The following CORO7 variants were observed in gnomAD, a reference collection of about 807,000 sequenced individuals.
CORO7 encodes the protein coronin 7.
A neutral mutation model predicts 126.6 loss-of-function variants in CORO7; 107 were observed. The ratio of observed to expected loss-of-function variants is 0.85; its 90% confidence interval spans 0.72 to 0.99. The LOEUF (loss-of-function observed/expected upper bound fraction) is 0.99, where lower values mean the gene tolerates loss of function less well. Ranked by LOEUF, CORO7 falls within the 50% of genes least tolerant of loss-of-function variation. CORO7 has a pLI of 0.00. For synonymous variants in CORO7, 603 were observed against 536.8 expected, an observed-to-expected ratio of 1.12 and a Z score of -1.70; for missense variants, 1,314 against 1,255.8, an observed-to-expected ratio of 1.05 and a Z score of -0.70.
intron 19 of CORO7, 23 bp downstream of exon 19, chr16:4,360,920 C>T: frequency 1.2e-6 from 2 of 1,606,526 alleles, no homozygotes; most frequent in South Asian, 2.2e-5. Flanking sequence ...ACACTGCTGG[C>T]CCCACCTCTG....
chr16:4,365,077 C>A lies in CORO7; in HGVS notation c.841-17G>T. ...CCTCTCGCCCTGAAATGAGTCTGAA[C>A]TGAGCCCCGTTTGCTGACTGAACCC... On this transcript the variant is annotated splice_polypyrimidine_tract_variant and intron_variant, in intron 10 of 27. Coordinates refer to ENST00000251166, the MANE Select transcript of CORO7 (RefSeq NM_024535.5). The A allele has an allele frequency of 6.3e-7, 1 of 1,588,286 alleles. No homozygotes were observed.
At chr16:4,358,626 G>C in intron 23 of CORO7, 143 bp from the exon 24 acceptor site, 1 of 657,056 alleles carries the variant, frequency 1.5e-6, no homozygotes, top group Non-Finnish European at 2.4e-6. Flanking sequence ...TGATCATGTT[G>C]AACAACCTGC....
At chr16:4,401,178 C>CTGGGA (rs1235468575) in intron 6 of CORO7, among the ~76,000 whole-genome samples, 4 of 152,170 alleles carry the variant, frequency 2.6e-5, no homozygotes, top group African/African-American at 9.7e-5. Context: ...GAAGGACAAA[C>CTGGGA]AGAGCTTGTG....
At chr16:4,407,248 A>G (rs1018866852) in intron 5 of CORO7, among the ~76,000 whole-genome samples, 4 of 151,614 alleles carry the variant, frequency 2.6e-5, no homozygotes, top group Admixed American at 1.3e-4. Context: ...GCGCCCGGCC[A>G]TTATTTTTTT....
chr16:4,393,521 G>A (rs986448654), intron 7 of CORO7, among the ~76,000 whole-genome samples: 1 of 152,206 alleles, frequency 6.6e-6, no homozygotes, highest in South Asian at 2.1e-4. Context: ...GGAACTGACT[G>A]TACCGTTTGG....
chr16:4,408,835 C>A (rs1443603249), intron 3 of CORO7, among the ~76,000 whole-genome samples: 1 of 152,000 alleles, frequency 6.6e-6, no homozygotes, highest in Non-Finnish European at 1.5e-5. Flanking sequence ...TGGTGGCGGG[C>A]GCCTATAGTC....
At chr16:4,355,489 G>C in intron 26 of CORO7, 117 bp from the exon 27 acceptor site, 7 of 1,123,448 alleles carry the variant, frequency 6.2e-6, no homozygotes, top group Non-Finnish European at 8.8e-6. Flanking sequence ...TTTTTAGACG[G>C]AGTCTTGCTC....
intron 9 of CORO7, among the ~76,000 whole-genome samples, chr16:4,368,168 G>A (rs1243493405): frequency 6.6e-6 from 1 of 152,000 alleles, no homozygotes; most frequent in South Asian, 2.1e-4. Flanking sequence ...CCAACATGAT[G>A]AAACCCTGTC....
chr16:4,354,899 A>ACC lies in CORO7; in HGVS notation c.*257_*258dup, dbSNP rs2053923379. Reference sequence around the variant, plus strand: ...GGGCCTGCCCAGGGACATGCTGCTGACCCCCCGCCACCCTGCACCCCTGGC... The same window carrying ACC: ...GGGCCTGCCCAGGGACATGCTGCTGACCCCCCCCGCCACCCTGCACCCCTGGC... On this transcript the variant is annotated 3_prime_UTR_variant, in exon 28 of 28. Coordinates refer to ENST00000251166, the MANE Select transcript of CORO7 (RefSeq NM_024535.5). 1 of 432,900 alleles carries ACC rather than the reference A, an allele frequency of 2.3e-6. No individual in the cohort carries two copies. Among genetic ancestry groups the ACC allele is most frequent in the Non-Finnish European group, 4.1e-6 (1 of 246,186 alleles). 26.8% of individuals were successfully genotyped at this position (432,900 alleles called of 1,614,324 possible). A position where few individuals can be genotyped will look rare whatever the true frequency, so the allele number is the denominator to read the frequency against.
chr16:4,375,434 G>A (rs2054683697), intron 9 of CORO7, among the ~76,000 whole-genome samples: 1 of 152,216 alleles, frequency 6.6e-6, no homozygotes, highest in Non-Finnish European at 1.5e-5. Flanking sequence ...GCTGTGCGGA[G>A]GACTCGCTCA....
At chr16:4,361,500 TCAGTAC>T (rs1455679915) in intron 16 of CORO7, 31 bp from the exon 17 acceptor site, 7 of 1,607,594 alleles carry the variant, frequency 4.4e-6, no homozygotes, top group Non-Finnish European at 8.5e-7. Flanking sequence ...CCGAGGCCCA[TCAGTAC>T]CAGGCAGAAA....
Position 4,407,645 on chromosome 16 carries a change from G to A in CORO7, c.343C>T (p.Pro115Ser). ...WRLPGPGQALPSAPGVVLGPE... is the reference protein window; with the variant it reads ...WRLPGPGQALSSAPGVVLGPE... ...CCCAGCACCACCCCGGGTGCTGAGG[G>A]CAGGGCCTGGCCAGGCCCTGGCAGT... The change falls in exon 5 of 28, where the codon CCC (proline) becomes TCC (serine). Residue 115 changes from proline to serine, a missense_variant. Transcript: ENST00000251166. 1 of 1,608,584 alleles carries A rather than the reference G, an allele frequency of 6.2e-7. No homozygotes were observed. Among genetic ancestry groups the A allele is most frequent in the Non-Finnish European group, 8.5e-7 (1 of 1,178,222 alleles).
At chr16:4,382,118 G>A (rs2055000578) in intron 9 of CORO7, 11 of 1,587,640 alleles carry the variant, frequency 6.9e-6, no homozygotes, top group Non-Finnish European at 9.4e-6. Context: ...CCGTCCACCT[G>A]CCTCAATGGG....
chr16:4,412,626 C>T, intron 2 of CORO7, 196 bp from the exon 3 acceptor site: 1 of 596,070 alleles, frequency 1.7e-6, no homozygotes, highest in Non-Finnish European at 3.0e-6. Context: ...CCATCCATGC[C>T]TCAGATGGAT....
At chr16:4,398,647 C>A (rs1356821245) in intron 6 of CORO7, among the ~76,000 whole-genome samples, 3 of 146,762 alleles carry the variant, frequency 2.0e-5, no homozygotes, top group South Asian at 2.2e-4. Flanking sequence ...GCCTGGGCAA[C>A]AGAGCAAGAC....
intron 9 of CORO7, chr16:4,382,304 T>C (rs752347697): frequency 6.2e-7 from 1 of 1,610,432 alleles, no homozygotes; most frequent in East Asian, 2.2e-5. Context: ...CCCACCTCCC[T>C]GCGCGTGGGG....
At chr16:4,372,495 G>A (rs2054571523) in intron 9 of CORO7, among the ~76,000 whole-genome samples, 1 of 152,216 alleles carries the variant, frequency 6.6e-6, no homozygotes, top group Non-Finnish European at 1.5e-5. Flanking sequence ...GGCGGGGAGT[G>A]GCTGGTGGGC....
intron 9 of CORO7, among the ~76,000 whole-genome samples, chr16:4,384,736 A>G (rs2055131431): frequency 6.6e-6 from 1 of 152,128 alleles, no homozygotes; most frequent in African/African-American, 2.4e-5. Context: ...GGGTGGTGGC[A>G]GTGGGCCTGG....
intron 9 of CORO7, among the ~76,000 whole-genome samples, chr16:4,368,998 A>G (rs940970902): frequency 6.6e-6 from 1 of 152,184 alleles, no homozygotes; most frequent in African/African-American, 2.4e-5. Flanking sequence ...GGGCCACCTC[A>G]TGGCATCAGA....
Sources: allele counts gnomAD v4.1 joint callset (sites outside exome capture counted in the v4.1 genomes callset), GRCh38; gene constraint gnomAD v4.1.1; transcripts MANE v1.5; gene names NCBI Gene and HGNC (gene_info 2026-07-23, HGNC 2026-07-21).